The following TTC7B variants were observed in gnomAD, a reference collection of about 807,000 sequenced individuals.
TTC7B encodes tetratricopeptide repeat domain 7B.
In TTC7B, 28 loss-of-function variants were observed where a neutral mutation model predicts 106.8. That is an observed-to-expected ratio of 0.26 (90% CI 0.19 to 0.36). TTC7B has a LOEUF of 0.36. Ranked by LOEUF, TTC7B falls within the 10% of genes least tolerant of loss-of-function variation. The pLI, the probability that TTC7B is intolerant of heterozygous loss-of-function variation, is 1.00. For synonymous variants in TTC7B, 405 were observed against 430.6 expected (o/e 0.94, Z 0.74); for missense variants, 862 against 1,076.4 (o/e 0.80, Z 2.79).
chr14:90,629,740 C>T (rs1466670765), intron 15 of TTC7B, among the ~76,000 whole-genome samples: 13 of 152,202 alleles, frequency 8.5e-5, no homozygotes, highest in Admixed American at 3.3e-4. Flanking sequence ...CCATGACTCG[C>T]GGGGAGTGGC....
At chr14:90,641,400 G>C (rs1463370803) in intron 15 of TTC7B, among the ~76,000 whole-genome samples, 1 of 152,166 alleles carries the variant, frequency 6.6e-6, no homozygotes, top group Non-Finnish European at 1.5e-5. Context: ...AGGCTTCAGG[G>C]AGTCTACAGT....
intron 19 of TTC7B, among the ~76,000 whole-genome samples, chr14:90,556,551 A>G (rs1890315469): frequency 6.6e-6 from 1 of 152,046 alleles, no homozygotes; most frequent in Admixed American, 6.5e-5. Flanking sequence ...TCCCTGGTTG[A>G]CTTATTTATT....
chr14:90,646,024 AC>A (rs1372721800), intron 14 of TTC7B, among the ~76,000 whole-genome samples: 1 of 152,184 alleles, frequency 6.6e-6, no homozygotes, highest in African/African-American at 2.4e-5. Flanking sequence ...ATCAATGCCC[AC>A]ACCTGCTGCA....
intron 9 of TTC7B, among the ~76,000 whole-genome samples, chr14:90,660,459 A>C (rs896192493): frequency 2.0e-5 from 3 of 151,946 alleles, no homozygotes; most frequent in Non-Finnish European, 4.4e-5. Flanking sequence ...CAATGCAAAA[A>C]ATAGAAAAGG....
intron 5 of TTC7B, among the ~76,000 whole-genome samples, chr14:90,709,633 A>G (rs1888359876): frequency 6.6e-6 from 1 of 151,938 alleles, no homozygotes. Flanking sequence ...ACAAGTATAC[A>G]TATGTAACAA....
chr14:90,667,516 C>T (rs1418671400), intron 9 of TTC7B, among the ~76,000 whole-genome samples: 1 of 152,158 alleles, frequency 6.6e-6, no homozygotes, highest in South Asian at 2.1e-4. Flanking sequence ...ATGTTATCCC[C>T]TACCCCCGCA....
At chr14:90,727,453 G>A (rs968641849) in intron 5 of TTC7B, among the ~76,000 whole-genome samples, 4 of 152,232 alleles carry the variant, frequency 2.6e-5, no homozygotes, top group African/African-American at 7.2e-5. Context: ...ATGGTGGAGC[G>A]GCAACGCTGT....
intron 7 of TTC7B, among the ~76,000 whole-genome samples, chr14:90,688,026 A>G (rs1166172033): frequency 6.6e-6 from 1 of 152,244 alleles, no homozygotes; most frequent in Non-Finnish European, 1.5e-5. Context: ...GAAAGCGTGT[A>G]GTCACGCCAT....
chr14:90,755,321 G>A (rs186500129), intron 3 of TTC7B, among the ~76,000 whole-genome samples: 46 of 152,120 alleles, frequency 3.0e-4, no homozygotes, highest in African/African-American at 1.1e-3. Flanking sequence ...CCTCTACTAT[G>A]TAACTGCTGA....
intron 18 of TTC7B, among the ~76,000 whole-genome samples, chr14:90,592,138 G>T (rs902186243): frequency 3.9e-5 from 6 of 152,250 alleles, no homozygotes; most frequent in Non-Finnish European, 8.8e-5. Flanking sequence ...AGGCCTGCCA[G>T]TGGTGTCAAA....
At chr14:90,588,732 T>C (rs146292792) in intron 18 of TTC7B, among the ~76,000 whole-genome samples, 1 of 152,070 alleles carries the variant, frequency 6.6e-6, no homozygotes, top group Non-Finnish European at 1.5e-5. Context: ...TACAGAATAG[T>C]ATATAGACAA....
intron 17 of TTC7B, chr14:90,605,674 G>A (rs1362954661): frequency 7.8e-7 from 1 of 1,289,242 alleles, no homozygotes; most frequent in East Asian, 5.6e-5. Context: ...ATCGGGTTTG[G>A]GAGAATGAAG....
intron 18 of TTC7B, among the ~76,000 whole-genome samples, chr14:90,579,411 C>T (rs1040114186): frequency 6.6e-6 from 1 of 152,238 alleles, no homozygotes; most frequent in Non-Finnish European, 1.5e-5. Context: ...CCCTATCTCC[C>T]AGTTATGTGT....
chr14:90,792,944 T>G (rs1853787870), intron 1 of TTC7B, among the ~76,000 whole-genome samples: 2 of 152,154 alleles, frequency 1.3e-5, no homozygotes. Context: ...TGATATGGTT[T>G]GGCTCTGTGT....
chr14:90,749,138 T>C (rs1890058104), intron 3 of TTC7B, among the ~76,000 whole-genome samples: 2 of 152,244 alleles, frequency 1.3e-5, no homozygotes, highest in South Asian at 4.1e-4. Context: ...ATATAATATG[T>C]CTTTTTTCCT....
chr14:90,671,832 C>G (rs1886645251), intron 9 of TTC7B, among the ~76,000 whole-genome samples: 3 of 152,234 alleles, frequency 2.0e-5, no homozygotes, highest in Admixed American at 2.0e-4. Flanking sequence ...TGATGTGGTG[C>G]ACACAGAGGC....
chr14:90,569,734 C>T (rs1327140772), intron 19 of TTC7B: 1 of 152,342 alleles, frequency 6.6e-6, no homozygotes, highest in African/African-American at 2.4e-5. Context: ...GACATGCCTG[C>T]ACCTGGACAC....
At position 90,534,993 on chromosome 14, in the gene TTC7B, C is replaced by G. The variant is rs1413907236; in HGVS notation, c.*6375G>C. On this transcript the variant is annotated 3_prime_UTR_variant, in exon 20 of 20. Transcript: ENST00000328459. Reference sequence around the variant, plus strand: ...CTGGGTTGCTCCATGTGATCACAGACACGCCCACCTGTGCACGAGCATGCA... The same window carrying G: ...CTGGGTTGCTCCATGTGATCACAGAGACGCCCACCTGTGCACGAGCATGCA... 1 of 152,330 alleles carries G rather than the reference C, an allele frequency of 6.6e-6. No homozygotes were observed. Among genetic ancestry groups the G allele is most frequent in the African/African-American group, 2.4e-5 (1 of 41,410 alleles). 9.4% of individuals were successfully genotyped at this position (152,330 alleles called of 1,614,324 possible).
chr14:90,714,476 G>A (rs893917610), intron 5 of TTC7B, among the ~76,000 whole-genome samples: 2 of 140,462 alleles, frequency 1.4e-5, no homozygotes, highest in African/African-American at 5.6e-5. Flanking sequence ...TTTTTTTTTA[G>A]AGATAGTCTC....
Sources: allele counts gnomAD v4.1 joint callset (sites outside exome capture counted in the v4.1 genomes callset), GRCh38; gene constraint gnomAD v4.1.1; transcripts MANE v1.5; gene names NCBI Gene and HGNC (gene_info 2026-07-23, HGNC 2026-07-21).